The following LCMT1 variants were observed in gnomAD, a reference collection of about 807,000 sequenced individuals.
LCMT1 encodes the protein [Phosphatase 2A protein]-leucine-carboxy methyltransferase 1.
A neutral mutation model predicts 47.7 loss-of-function variants in LCMT1; 32 were observed. The observed-to-expected ratio is 0.67, with a 90% CI of 0.51 to 0.90. The LOEUF is 0.90. Among genes scored for constraint, LCMT1 ranks in the 40% least tolerant of loss-of-function variants. The pLI is 0.00. For synonymous variants in LCMT1, 152 were observed against 149.7 expected, an observed-to-expected ratio of 1.02 and a Z score of -0.11; for missense variants, 375 against 415.2, an observed-to-expected ratio of 0.90 and a Z score of 0.84.
At chr16:25,130,339 CAA>C (rs58937394) in intron 2 of LCMT1, among the ~76,000 whole-genome samples, 95,618 of 128,680 alleles carry the variant, frequency 0.74, 34,223 homozygotes, top group Middle Eastern at 0.81. Flanking sequence ...TACTCCATCT[CAA>C]AAAAAAAAAA....
In LCMT1 at chr16:25,167,573, A is replaced by G. The variant is rs553944036; in HGVS notation, c.691-1539A>G. ...GCAGTTCTCCAACCCCAGTCTCCCA[A>G]AGCCCTGGGACTGCAGGCATCAGCC... On this transcript the variant is annotated intron_variant, in intron 7 of 10. Transcript: ENST00000399069. Among the ~76,000 whole-genome samples the G allele has an allele frequency of 3.0e-4, 46 of 152,000 alleles. No individual in the cohort carries two copies. The East Asian group carries it at 7.2e-3, about 24-fold the overall frequency.
chr16:25,132,610 A>G, intron 3 of LCMT1, 87 bp downstream of exon 3: 1 of 1,445,020 alleles, frequency 6.9e-7, no homozygotes, highest in East Asian at 2.4e-5. Context: ...AACATATATT[A>G]AAAGTTATGC....
At chr16:25,136,309 G>T (rs1597575165) in intron 3 of LCMT1, among the ~76,000 whole-genome samples, 1 of 151,518 alleles carries the variant, frequency 6.6e-6, no homozygotes, top group Non-Finnish European at 1.5e-5. Context: ...CATTCCTCCT[G>T]CCCTGTGGCA....
At chr16:25,164,851 C>T in intron 7 of LCMT1, 133 bp downstream of exon 7, 1 of 1,199,266 alleles carries the variant, frequency 8.3e-7, no homozygotes, top group Admixed American at 1.9e-5. Flanking sequence ...CCTTTATTCA[C>T]CAACCAGCAA....
intron 5 of LCMT1, 76 bp downstream of exon 5, chr16:25,151,691 T>TGGG (rs879459330): frequency 4.7e-6 from 3 of 638,522 alleles, no homozygotes; most frequent in Non-Finnish European, 7.5e-6. Flanking sequence ...ATGGGGTTTG[T>TGGG]GTTGGGTGTG....
At chr16:25,162,863 C>T (rs1464899677) in intron 6 of LCMT1, among the ~76,000 whole-genome samples, 5 of 110,608 alleles carry the variant, frequency 4.5e-5, no homozygotes, top group African/African-American at 1.1e-4. Context: ...TTATGCTATG[C>T]GTATAATTTT....
intron 9 of LCMT1, among the ~76,000 whole-genome samples, chr16:25,174,037 A>G (rs1322644435): frequency 6.6e-6 from 1 of 152,050 alleles, no homozygotes; most frequent in Non-Finnish European, 1.5e-5. Flanking sequence ...TCAGCCTCCC[A>G]AATAGCTGTG....
intron 1 of LCMT1, among the ~76,000 whole-genome samples, chr16:25,120,744 T>G (rs1959953261): frequency 2.1e-5 from 3 of 146,088 alleles, no homozygotes; most frequent in African/African-American, 2.6e-5. Context: ...TTTTTGTTTT[T>G]TTTTTTTGTT....
intron 5 of LCMT1, among the ~76,000 whole-genome samples, chr16:25,152,337 T>TG (rs1961107964): frequency 6.6e-6 from 1 of 152,146 alleles, no homozygotes; most frequent in East Asian, 1.9e-4. Context: ...GCATCTGACC[T>TG]CCCATCCTGA....
chr16:25,125,149 TTGAC>T (rs1213013117), intron 1 of LCMT1, among the ~76,000 whole-genome samples: 2 of 152,180 alleles, frequency 1.3e-5, no homozygotes, highest in African/African-American at 2.4e-5. Context: ...GTAATGGAAA[TTGAC>T]AGGCAGAACT....
At chr16:25,129,298 A>C (rs1318394484) in intron 2 of LCMT1, among the ~76,000 whole-genome samples, 1 of 152,148 alleles carries the variant, frequency 6.6e-6, no homozygotes, top group Non-Finnish European at 1.5e-5. Flanking sequence ...TTAGAGTAAA[A>C]AAGAAAAAAA....
At chr16:25,171,515 C>T (rs1961771795) in intron 9 of LCMT1, among the ~76,000 whole-genome samples, 1 of 152,170 alleles carries the variant, frequency 6.6e-6, no homozygotes, top group Non-Finnish European at 1.5e-5. Flanking sequence ...TTGAAAGTAA[C>T]TCATTAGCTA....
rs755982729 is a variant in LCMT1 at position 25,169,230 on chromosome 16, T to G, written c.792+17T>G. On this transcript the variant is annotated intron_variant, in intron 8 of 10. Coordinates refer to ENST00000399069, the MANE Select transcript of LCMT1 (RefSeq NM_016309.3). ...GAGTCACAGGTCAGAGAGCAGGGAC[T>G]GGGATATCCATTTGGACCCTTAGTC... 1 of 1,527,114 alleles carries G rather than the reference T, an allele frequency of 6.5e-7. No homozygotes were observed. The highest frequency in any genetic ancestry group is 1.1e-5 in the South Asian group (1 of 89,254). 94.6% of individuals were successfully genotyped at this position (1,527,114 alleles called of 1,614,324 possible). A position where few individuals can be genotyped will look rare whatever the true frequency, so the allele number is the denominator to read the frequency against.
chr16:25,141,669 T>G (rs1199736559), intron 4 of LCMT1: 2 of 152,214 alleles, frequency 1.3e-5, no homozygotes, highest in African/African-American at 4.8e-5. Flanking sequence ...GGTAAATCTT[T>G]TGAACTTGCA....
At chr16:25,130,812 G>A (rs566126309) in intron 2 of LCMT1, among the ~76,000 whole-genome samples, 1 of 152,294 alleles carries the variant, frequency 6.6e-6, no homozygotes, top group Admixed American at 6.5e-5. Flanking sequence ...ACTCCAGAGC[G>A]TAAAGAGAAG....
At chr16:25,161,795 AATAT>A (rs370059426) in intron 6 of LCMT1, among the ~76,000 whole-genome samples, 1 of 151,498 alleles carries the variant, frequency 6.6e-6, no homozygotes, top group African/African-American at 2.4e-5. Flanking sequence ...TAGCATCCAG[AATAT>A]ATAAAGAACA....
At chr16:25,152,327 G>A (rs555033318) in intron 5 of LCMT1, among the ~76,000 whole-genome samples, 69 of 152,146 alleles carry the variant, frequency 4.5e-4, no homozygotes, top group Non-Finnish European at 7.8e-4. Flanking sequence ...TTTTGAGAAG[G>A]CATCTGACCT....
intron 1 of LCMT1, among the ~76,000 whole-genome samples, chr16:25,123,089 C>T (rs13338420): frequency 0.26 from 38,875 of 151,982 alleles, 5,060 homozygotes; most frequent in East Asian, 0.35. Context: ...TATGGTTGGC[C>T]TGTTCATCTG....
intron 6 of LCMT1, among the ~76,000 whole-genome samples, chr16:25,163,984 A>G (rs911675677): frequency 9.2e-5 from 14 of 152,026 alleles, no homozygotes; most frequent in Non-Finnish European, 1.9e-4. Flanking sequence ...GGTTTAGCTG[A>G]TATTCTGGAG....
Sources: allele counts gnomAD v4.1 joint callset (sites outside exome capture counted in the v4.1 genomes callset), GRCh38; gene constraint gnomAD v4.1.1; transcripts MANE v1.5; gene names NCBI Gene and HGNC (gene_info 2026-07-23, HGNC 2026-07-21).